STX11: variants seen among roughly 807,000 people sequenced by gnomAD.
The protein encoded by STX11 is syntaxin-11.
A neutral mutation model predicts 19.9 loss-of-function variants in STX11; 21 were observed. That is an observed-to-expected ratio of 1.06 (90% CI 0.75 to 1.52). The LOEUF (loss-of-function observed/expected upper bound fraction) is 1.52. Among genes scored for constraint, STX11 ranks in the 40% most tolerant of loss-of-function variants. STX11 has a pLI of 0.00. For missense variants in STX11, 438 were observed against 405.9 expected (o/e 1.08, Z -0.68); for synonymous variants, 193 against 174.4 (o/e 1.11, Z -0.84).
intron 1 of STX11, among the ~76,000 whole-genome samples, chr6:144,161,562 T>C (rs1490527858): frequency 6.6e-6 from 1 of 152,138 alleles, no homozygotes; most frequent in Non-Finnish European, 1.5e-5. Flanking sequence ...GAGACGAGCT[T>C]TCACCATGTT....
intron 1 of STX11, 50 bp downstream of exon 1, chr6:144,150,753 C>G (rs1182370719): frequency 1.8e-6 from 1 of 564,358 alleles, no homozygotes; most frequent in Non-Finnish European, 2.2e-6. Context: ...ACTATTTTCC[C>G]CGTGCGCGGA....
chr6:144,141,023 T>A, the STX11 span, among the ~76,000 whole-genome samples: 1 of 152,228 alleles, frequency 6.6e-6, no homozygotes, highest in Non-Finnish European at 1.5e-5. Context: ...CTGTTTGTGC[T>A]TTTCCGTTTC....
At chr6:144,141,657 T>C in the STX11 span, among the ~76,000 whole-genome samples, 4 of 72,092 alleles carry the variant, frequency 5.5e-5, no homozygotes, top group Non-Finnish European at 1.1e-4. Flanking sequence ...TTCAGTTTTG[T>C]TGTTGTTGTT....
Position 144,151,127 on chromosome 6 carries a change from G to A in STX11, c.-6+424G>A, listed in dbSNP as rs1800996007. 1 of 523,378 alleles carries A rather than the reference G, an allele frequency of 1.9e-6. No homozygotes were observed. Among genetic ancestry groups the A allele is most frequent in the Non-Finnish European group, 2.5e-6 (1 of 408,088 alleles). 32.4% of individuals were successfully genotyped at this position (523,378 alleles called of 1,614,324 possible). A position where few individuals can be genotyped will look rare whatever the true frequency, so the allele number is the denominator to read the frequency against. On this transcript the variant is annotated intron_variant, in intron 1 of 1. Transcript: ENST00000367568. This position sits in a 1 kb window ranked among gnomAD's most constrained non-coding sequence, Gnocchi z 4.6. ...GACTGTGTCAAAAACACCAGAATGGGTACTTCTTGACTTGAACTTGGCGGT... is the reference window on the plus strand; with the variant it reads ...GACTGTGTCAAAAACACCAGAATGGATACTTCTTGACTTGAACTTGGCGGT...
chr6:144,185,980 T>A (rs577520523), intron 1 of STX11, among the ~76,000 whole-genome samples: 2 of 151,866 alleles, frequency 1.3e-5, no homozygotes, highest in Admixed American at 6.6e-5. Flanking sequence ...AACATTTAGA[T>A]GTTGGCCCCA....
chr6:144,189,822 G>A lies in STX11; in HGVS notation c.*2331G>A, dbSNP rs1174905806. Among the ~76,000 whole-genome samples, 1 of 152,142 alleles carries A rather than the reference G, an allele frequency of 6.6e-6. No homozygotes were observed. The highest frequency in any genetic ancestry group is 2.4e-5 in the African/African-American group (1 of 41,424). On this transcript the variant is annotated 3_prime_UTR_variant, in exon 2 of 2. Transcript: ENST00000367568. ...CTTTTTCAGCCAACTCCAAGGATAT[G>A]TATCACCTTTGACTTAATTTGCTTT...
In STX11 at chr6:144,155,952, T is replaced by G. The variant is rs867181030; in HGVS notation, c.-6+5249T>G. ...GTTTTAAAATTTAATCTTTCTTTCT[T>G]TCTTTCTTTCTTTCTTTCTTTCTTT... On this transcript the variant is annotated intron_variant, in intron 1 of 1. Coordinates refer to ENST00000367568, the MANE Select transcript of STX11 (RefSeq NM_003764.4). The surrounding 1 kb of genome is among the most constrained non-coding windows in gnomAD (Gnocchi z 4.5). Among the ~76,000 whole-genome samples, 6 of 50,344 alleles carry G rather than the reference T, an allele frequency of 1.2e-4. No homozygotes were observed. The highest frequency in any genetic ancestry group is 2.3e-4 in the Admixed American group (1 of 4,266). The allele number at this position is 50,344 out of a possible 152,430, so 33.0% of individuals were successfully genotyped here.
chr6:144,187,225 G>A lies in STX11; in HGVS notation c.598G>A (p.Ala200Thr), dbSNP rs140190138. ...GAACTTGCTGGCCGACGTGAAGGGC[G>A]CGCGGGCCGCCCTCAACGAGATCGA... ...SENLLADVKG[A>T]RAALNEIESR... is the part of the protein sequence containing the mutation. Residue 200 changes from alanine (A) to threonine (T), a missense_variant, in exon 2 of 2, where the codon GCG (alanine) becomes ACG (threonine). Transcript: ENST00000367568. The surrounding 1 kb of genome is among the most constrained non-coding windows in gnomAD (Gnocchi z 5.6). 1 of 1,613,770 alleles carries A rather than the reference G, an allele frequency of 6.2e-7. No homozygotes were observed. The highest frequency in any genetic ancestry group is 8.5e-7 in the Non-Finnish European group (1 of 1,179,992).
chr6:144,140,256 T>A, the STX11 span, among the ~76,000 whole-genome samples: 3,644 of 71,066 alleles, frequency 0.051, 123 homozygotes, highest in Middle Eastern at 0.11. Flanking sequence ...ATATATATAT[T>A]TATTTATTTA....
chr6:144,161,743 T>C (rs1801347769), intron 1 of STX11, among the ~76,000 whole-genome samples: 1 of 152,168 alleles, frequency 6.6e-6, no homozygotes, highest in South Asian at 2.1e-4. Flanking sequence ...TCTGTTGACA[T>C]CTAGATACGT....
rs181407951 is a variant in STX11 at position 144,188,078 on chromosome 6, T to C, written c.*587T>C. ...TATTAAAATCACACCAAACACTTAC[T>C]ATTTTCTTATCTCTTTCACTTTTTA... On this transcript the variant is annotated 3_prime_UTR_variant, in exon 2 of 2. Coordinates refer to ENST00000367568, the MANE Select transcript of STX11 (RefSeq NM_003764.4). 1.2e-3 allele frequency: 289 copies of C among 242,968 alleles called. 1 individual carries two copies. Among genetic ancestry groups the C allele is most frequent in the African/African-American group, 5.8e-3 (260 of 45,166 alleles). The allele number at this position is 242,968 out of a possible 1,614,324, so 15.1% of individuals were successfully genotyped here. A position where few individuals can be genotyped will look rare whatever the true frequency, so the allele number is the denominator to read the frequency against.
the STX11 span, among the ~76,000 whole-genome samples, chr6:144,140,225 TA>T: frequency 1.1e-4 from 4 of 37,966 alleles, no homozygotes; most frequent in African/African-American, 6.0e-4. Flanking sequence ...TATATATATA[TA>T]TATATATATA....
chr6:144,178,059 A>G (rs767277181), intron 1 of STX11, among the ~76,000 whole-genome samples: 6 of 152,204 alleles, frequency 3.9e-5, no homozygotes, highest in African/African-American at 7.2e-5. Flanking sequence ...ATTGTTCCTA[A>G]TAGAAAAGCT....
chr6:144,141,465 C>T, the STX11 span, among the ~76,000 whole-genome samples: 218 of 152,288 alleles, frequency 1.4e-3, no homozygotes, highest in African/African-American at 5.0e-3. Context: ...CCCCTATTGG[C>T]GTATCAAGCT....
chr6:144,140,676 C>A, the STX11 span: 1 of 873,624 alleles, frequency 1.1e-6, no homozygotes, highest in Non-Finnish European at 1.4e-6. Context: ...AACTATAAAC[C>A]ATCCGTGAAG....
In STX11 at chr6:144,191,556, A is replaced by G. The variant is rs1278928938; in HGVS notation, c.*4065A>G. Among the ~76,000 whole-genome samples the G allele has an allele frequency of 6.6e-6, 1 of 151,696 alleles. No individual in the cohort carries two copies. Among genetic ancestry groups the G allele is most frequent in the Non-Finnish European group, 1.5e-5 (1 of 67,980 alleles). On this transcript the variant is annotated 3_prime_UTR_variant, in exon 2 of 2. Transcript: ENST00000367568. Reference sequence around the variant, plus strand: ...GCTTAAAAAAAAAAATAGGGTAACTATAGTCTTGATTTTTATGTATAAATT... The same window carrying G: ...GCTTAAAAAAAAAAATAGGGTAACTGTAGTCTTGATTTTTATGTATAAATT...
Position 144,151,150 on chromosome 6 carries a change from G to A in STX11, c.-6+447G>A, listed in dbSNP as rs1800996626. 2.6e-6 allele frequency: 2 copies of A among 777,750 alleles called. No homozygotes were observed. Among genetic ancestry groups the A allele is most frequent in the Admixed American group, 6.2e-5 (1 of 16,018 alleles). 48.2% of individuals were successfully genotyped at this position (777,750 alleles called of 1,614,324 possible). A position where few individuals can be genotyped will look rare whatever the true frequency, so the allele number is the denominator to read the frequency against. ...GGGTACTTCTTGACTTGAACTTGGC[G>A]GTGTCACTCAGTAGCCAGGAAAGAC... On this transcript the variant is annotated intron_variant, in intron 1 of 1. Coordinates refer to ENST00000367568, the MANE Select transcript of STX11 (RefSeq NM_003764.4). This position sits in a 1 kb window ranked among gnomAD's most constrained non-coding sequence, Gnocchi z 4.6.
chr6:144,191,078 A>G lies in STX11; in HGVS notation c.*3587A>G, dbSNP rs1214873673. Among the ~76,000 whole-genome samples, 3 of 152,016 alleles carry G rather than the reference A, an allele frequency of 2.0e-5. No individual in the cohort carries two copies. Among genetic ancestry groups the G allele is most frequent in the African/African-American group, 4.8e-5 (2 of 41,362 alleles). On this transcript the variant is annotated 3_prime_UTR_variant, in exon 2 of 2. Coordinates refer to ENST00000367568, the MANE Select transcript of STX11 (RefSeq NM_003764.4). ...CATATCTTTTAGGGTACAAAATGAAAGAACAAATCACAAAGAACAATAGAT... is the reference window on the plus strand; with the variant it reads ...CATATCTTTTAGGGTACAAAATGAAGGAACAAATCACAAAGAACAATAGAT...
chr6:144,151,219 G>A lies in STX11; in HGVS notation c.-6+516G>A, dbSNP rs1012773634. ...TTCGAGGAGTCCCTTCGAAGCCCAC[G>A]TAAGACTTTGTTTTAGAAACATGGA... On this transcript the variant is annotated intron_variant, in intron 1 of 1. Transcript: ENST00000367568. This position sits in a 1 kb window ranked among gnomAD's most constrained non-coding sequence, Gnocchi z 4.6. The A allele has an allele frequency of 2.0e-6, 2 of 985,162 alleles. No homozygotes were observed. Among genetic ancestry groups the A allele is most frequent in the African/African-American group, 1.7e-5 (1 of 57,214 alleles). 61.0% of individuals were successfully genotyped at this position (985,162 alleles called of 1,614,324 possible).
Sources: gnomAD v4.1 joint callset for allele counts (sites outside exome capture counted in the v4.1 genomes callset) on GRCh38, gnomAD v4.1.1 for gene constraint, Gnocchi (gnomAD v3.1) non-coding constraint, MANE v1.5 for transcripts, NCBI Gene and HGNC (gene_info 2026-07-23, HGNC 2026-07-21) for gene names.